KCNC2: variants seen among roughly 807,000 people sequenced by gnomAD.
The protein encoded by KCNC2 is potassium voltage-gated channel subfamily C member 2, also known as voltage-gated potassium channel KCNC2.
In KCNC2, 21 loss-of-function variants were observed where a neutral mutation model predicts 44.5. That is an observed-to-expected ratio of 0.47 (90% CI 0.33 to 0.68). The LOEUF (loss-of-function observed/expected upper bound fraction) is 0.68. Ranked by LOEUF, KCNC2 falls within the 30% of genes least tolerant of loss-of-function variation. KCNC2 has a pLI of 0.01. For missense variants in KCNC2, 589 were observed against 826.2 expected (o/e 0.71, Z 3.52); for synonymous variants, 391 against 339.1 (o/e 1.15, Z -1.68).
chr12:75,203,008 A>C (rs2031409919), intron 2 of KCNC2, among the ~76,000 whole-genome samples: 3 of 151,760 alleles, frequency 2.0e-5, no homozygotes, highest in Non-Finnish European at 4.4e-5. Flanking sequence ...ATCAATATTC[A>C]TTGAATAAAT....
At chr12:75,145,199 C>A (rs1393065542) in intron 2 of KCNC2, among the ~76,000 whole-genome samples, 1 of 151,526 alleles carries the variant, frequency 6.6e-6, no homozygotes, top group Non-Finnish European at 1.5e-5. Flanking sequence ...TTAGTAAAAA[C>A]TTTGGATCCT....
intron 2 of KCNC2, among the ~76,000 whole-genome samples, chr12:75,127,866 T>G (rs1489393829): frequency 6.6e-6 from 1 of 152,122 alleles, no homozygotes; most frequent in African/African-American, 2.4e-5. Flanking sequence ...GATTTCCCAG[T>G]TTCAGTTGCA....
chr12:75,147,044 T>A (rs760497963), intron 2 of KCNC2, among the ~76,000 whole-genome samples: 1 of 152,156 alleles, frequency 6.6e-6, no homozygotes, highest in Non-Finnish European at 1.5e-5. Context: ...CCACACAATT[T>A]TAGGTGCAAT....
chr12:75,111,407 G>T (rs1248790500), intron 2 of KCNC2, among the ~76,000 whole-genome samples: 2 of 151,988 alleles, frequency 1.3e-5, no homozygotes, highest in Non-Finnish European at 2.9e-5. Flanking sequence ...AGAGAACATT[G>T]GTGGTTACCA....
chr12:75,157,909 A>G (rs1890869355), intron 2 of KCNC2, among the ~76,000 whole-genome samples: 1 of 151,938 alleles, frequency 6.6e-6, no homozygotes, highest in African/African-American at 2.4e-5. Flanking sequence ...CATTCCTCTG[A>G]AAACATTTTC....
chr12:75,205,896 GA>G lies in KCNC2; in HGVS notation c.687+1400del, dbSNP rs34368348. Among the ~76,000 whole-genome samples the G allele has an allele frequency of 5.4e-3, 523 of 97,402 alleles. 2 individuals are homozygous for G. The highest frequency in any genetic ancestry group is 8.1e-3 in the Admixed American group (75 of 9,260). The allele number at this position is 97,402 out of a possible 152,430, so 63.9% of individuals were successfully genotyped here. ...TGTTGTTGAATTTATGGCATGGCCTGAAAAAAAAAAAAAAAGATTTCCAAGT... is the reference window on the plus strand; with the variant it reads ...TGTTGTTGAATTTATGGCATGGCCTGAAAAAAAAAAAAAAGATTTCCAAGT... On this transcript the variant is annotated intron_variant, in intron 2 of 4. Transcript: ENST00000549446.
At chr12:75,153,249 A>G (rs1161472906) in intron 2 of KCNC2, among the ~76,000 whole-genome samples, 1 of 152,016 alleles carries the variant, frequency 6.6e-6, no homozygotes, top group African/African-American at 2.4e-5. Flanking sequence ...TGAGGGAGGT[A>G]GCAACGATGT....
intron 2 of KCNC2, among the ~76,000 whole-genome samples, chr12:75,062,345 A>G (rs1882430124): frequency 6.6e-6 from 1 of 152,152 alleles, no homozygotes; most frequent in African/African-American, 2.4e-5. Flanking sequence ...CATACATGCT[A>G]AACTCTGGTC....
chr12:75,082,737 A>G (rs966539543), intron 2 of KCNC2, among the ~76,000 whole-genome samples: 6 of 151,890 alleles, frequency 4.0e-5, no homozygotes, highest in African/African-American at 1.2e-4. Context: ...AAAATATTTA[A>G]TGATATGAAA....
At chr12:75,134,658 A>G (rs966745340) in intron 2 of KCNC2, among the ~76,000 whole-genome samples, 17 of 151,928 alleles carry the variant, frequency 1.1e-4, no homozygotes, top group Non-Finnish European at 1.8e-4. Flanking sequence ...GGATTCTGCA[A>G]GCCTCTAAGA....
chr12:75,140,901 T>C (rs1391700233), intron 2 of KCNC2, among the ~76,000 whole-genome samples: 5 of 151,706 alleles, frequency 3.3e-5, no homozygotes, highest in Admixed American at 1.3e-4. Context: ...AAAAACAAAC[T>C]TATGCTTTAA....
At chr12:75,044,006 C>A (rs1030609741) in intron 4 of KCNC2, among the ~76,000 whole-genome samples, 3 of 151,892 alleles carry the variant, frequency 2.0e-5, no homozygotes, top group Non-Finnish European at 4.4e-5. Context: ...ACACCTTGAT[C>A]TTTTGTTCAT....
intron 2 of KCNC2, among the ~76,000 whole-genome samples, chr12:75,065,710 G>T (rs1882764302): frequency 6.6e-6 from 1 of 151,978 alleles, no homozygotes; most frequent in Non-Finnish European, 1.5e-5. Context: ...TGCCACCTAG[G>T]TTTATGTGAG....
chr12:75,108,752 G>A (rs1340696050), intron 2 of KCNC2, among the ~76,000 whole-genome samples: 1 of 152,156 alleles, frequency 6.6e-6, no homozygotes, highest in African/African-American at 2.4e-5. Context: ...ATCCCGTGTG[G>A]TAGTTTCAAG....
At position 75,042,766 on chromosome 12, in the gene KCNC2, G is replaced by A; in HGVS notation, c.*339C>T. 8.7e-7 allele frequency: 1 copy of A among 1,150,756 alleles called. No homozygotes were observed. The highest frequency in any genetic ancestry group is 1.6e-5 in the African/African-American group (1 of 62,338). The allele number at this position is 1,150,756 out of a possible 1,614,324, so 71.3% of individuals were successfully genotyped here. ...GAAATAAAGTTCCAATGAAGTGGTT[G>A]GCATTTGGAAGCACACTGTTTTAAA... is the stretch of plus-strand genomic sequence containing the variant. On this transcript the variant is annotated 3_prime_UTR_variant, in exon 5 of 5. Coordinates refer to ENST00000549446, the MANE Select transcript of KCNC2 (RefSeq NM_139137.4).
At chr12:75,205,673 G>C (rs192538763) in intron 2 of KCNC2, among the ~76,000 whole-genome samples, 2 of 152,040 alleles carry the variant, frequency 1.3e-5, no homozygotes, top group Admixed American at 6.6e-5. Context: ...AGAATCACAT[G>C]ATGGGCCTGA....
At chr12:75,176,565 C>G (rs1052076623) in intron 2 of KCNC2, among the ~76,000 whole-genome samples, 5 of 151,964 alleles carry the variant, frequency 3.3e-5, no homozygotes, top group African/African-American at 1.2e-4. Flanking sequence ...GAACTAGACA[C>G]TCTCCCAGCA....
At chr12:75,101,765 A>T (rs1436590130) in intron 2 of KCNC2, among the ~76,000 whole-genome samples, 1 of 152,100 alleles carries the variant, frequency 6.6e-6, no homozygotes, top group Non-Finnish European at 1.5e-5. Context: ...CCAGTGAAAA[A>T]GGATGAGATT....
At chr12:75,143,202 C>CT (rs2137416606) in intron 2 of KCNC2, among the ~76,000 whole-genome samples, 1 of 152,320 alleles carries the variant, frequency 6.6e-6, no homozygotes, top group East Asian at 1.9e-4. Context: ...ACAAGTCTCA[C>CT]TTCCCTCATC....
Sources: allele counts gnomAD v4.1 joint callset (sites outside exome capture counted in the v4.1 genomes callset), GRCh38; gene constraint gnomAD v4.1.1; transcripts MANE v1.5; gene names NCBI Gene and HGNC (gene_info 2026-07-23, HGNC 2026-07-21).